The following LCN15 variants were observed in gnomAD, a reference collection of about 807,000 sequenced individuals.
LCN15 encodes lipocalin 15, also known as lipocalin-15.
In LCN15, 26 loss-of-function variants were observed where a neutral mutation model predicts 23.1. The observed-to-expected ratio is 1.13, with a 90% CI of 0.82 to 1.56. The LOEUF (loss-of-function observed/expected upper bound fraction) is 1.56. LCN15 is among the 40% of genes most tolerant of loss of function. LCN15 has a pLI of 0.00. For missense variants in LCN15, 241 were observed against 239.5 expected (o/e 1.01, Z -0.04); for synonymous variants, 107 against 98.3 (o/e 1.09, Z -0.52).
At chr9:136,760,119 C>T (rs1012486498) in intron 6 of LCN15, among the ~76,000 whole-genome samples, 1 of 152,234 alleles carries the variant, frequency 6.6e-6, no homozygotes, top group Non-Finnish European at 1.5e-5. Flanking sequence ...CAAGAAAAGC[C>T]CCGGAATGTC....
rs531720197 is a variant in LCN15 at position 136,763,751 on chromosome 9, T to C, written c.269A>G (p.Tyr90Cys). ...ADGCNQVDAE[Y>C]LKVGSEGHFR... The stretch of plus-strand genomic sequence containing the variant: ...GTGTCCCTCGGAGCCCACCTTCAGG[T>C]ACTCGGCATCCACCTGGTTACAGCC... Residue 90 changes from tyrosine to cysteine, a missense_variant, in exon 3 of 7, where the codon TAC (tyrosine) becomes TGC (cysteine). Physicochemically the swap from Tyr to Cys is radical, Grantham distance 194. Coordinates refer to ENST00000316144, the MANE Select transcript of LCN15 (RefSeq NM_203347.2). 4 of 1,613,460 alleles carry C rather than the reference T, an allele frequency of 2.5e-6. No individual in the cohort carries two copies. The highest frequency in any genetic ancestry group is 3.3e-5 in the Admixed American group (2 of 60,008).
Position 136,763,432 on chromosome 9 carries a change from C to G in LCN15, c.343G>C (p.Asp115His), listed in dbSNP as rs909051198. 1.4e-4 allele frequency: 221 copies of G among 1,609,850 alleles called. No individual in the cohort carries two copies. Among genetic ancestry groups the G allele is most frequent in the Admixed American group, 6.2e-4 (37 of 59,680 alleles). Residue 115 changes from aspartate to histidine, a missense_variant, in exon 4 of 7, where the codon GAC becomes CAC. Physicochemically the swap from Asp to His is moderately conservative, Grantham distance 81. Coordinates refer to ENST00000316144, the MANE Select transcript of LCN15 (RefSeq NM_203347.2). ...GYLDVRIVDTDYSSFAVLYIY... is the reference protein window; with the variant it reads ...GYLDVRIVDTHYSSFAVLYIY... ...TAAAGGACGGCGAAGGAGCTGTAGT[C>G]TGTGTCCACGATGCGCACGTCCAGG...
intron 4 of LCN15, among the ~76,000 whole-genome samples, 178 bp downstream of exon 4, chr9:136,763,179 G>A (rs1171928575): frequency 6.6e-6 from 1 of 151,272 alleles, no homozygotes; most frequent in Non-Finnish European, 1.5e-5. Flanking sequence ...GGGCGGGCCC[G>A]GGGATGAGGA....
Position 136,761,132 on chromosome 9 carries a change from G to A in LCN15, c.*32+655C>T, listed in dbSNP as rs577749452. On this transcript the variant is annotated intron_variant, in intron 6 of 6. Transcript: ENST00000316144. The surrounding 1 kb of genome is among the most constrained non-coding windows in gnomAD (Gnocchi z 4.2). ...GGCCAAGAAATGCCCAGGACAAGCG[G>A]CAGCCGTGGGAGCTGGGGGGGCGGT... is the stretch of plus-strand genomic sequence containing the variant. Among the ~76,000 whole-genome samples the A allele has an allele frequency of 1.3e-5, 2 of 152,264 alleles. No homozygotes were observed. The highest frequency in any genetic ancestry group is 4.8e-5 in the African/African-American group (2 of 41,532).
chr9:136,763,685 C>T (rs201503671), intron 3 of LCN15, 28 bp downstream of exon 3: 286 of 1,610,486 alleles, frequency 1.8e-4, no homozygotes, highest in Non-Finnish European at 2.4e-4. Flanking sequence ...CATCCAGCAC[C>T]CCTGAAGGCA....
At chr9:136,764,270 A>C in intron 1 of LCN15, 123 bp downstream of exon 1, 3 of 977,956 alleles carry the variant, frequency 3.1e-6, no homozygotes, top group Non-Finnish European at 4.6e-6. Context: ...GAGTGGGTCT[A>C]TAGCACGTGC....
Position 136,763,745 on chromosome 9 carries a change from T to A in LCN15, c.275A>T (p.Lys92Met). Residue 92 changes from lysine (K) to methionine (M), a missense_variant, in exon 3 of 7, where the codon AAG becomes ATG. Coordinates refer to ENST00000316144, the MANE Select transcript of LCN15 (RefSeq NM_203347.2). Reference protein sequence around the residue: ...GCNQVDAEYLKVGSEGHFRVP... With the variant: ...GCNQVDAEYLMVGSEGHFRVP... ...TCTGAAGTGTCCCTCGGAGCCCACC[T>A]TCAGGTACTCGGCATCCACCTGGTT... The A allele has an allele frequency of 6.2e-7, 1 of 1,613,470 alleles. No individual in the cohort carries two copies.
intron 4 of LCN15, 129 bp downstream of exon 4, chr9:136,763,227 AG>A (rs1847339878): frequency 1.1e-5 from 4 of 373,754 alleles, no homozygotes; most frequent in South Asian, 3.0e-5. Context: ...CGGGGGGCGG[AG>A]GGGTGAGGGC....
At chr9:136,763,829 C>T in intron 2 of LCN15, 41 bp downstream of exon 2, 2 of 1,613,332 alleles carry the variant, frequency 1.2e-6, no homozygotes, top group Non-Finnish European at 1.7e-6. Flanking sequence ...GCTACCTCAG[C>T]TCCCCAGCCC....
At position 136,761,944 on chromosome 9, in the gene LCN15, G is replaced by T; in HGVS notation, c.521-91C>A. ...AACCCCTGGGTGCCAAGGGCCACTG[G>T]ACAGCTCCACCATCCCCAGAGAGTG... On this transcript the variant is annotated intron_variant, in intron 5 of 6. Transcript: ENST00000316144. This position sits in a 1 kb window ranked among gnomAD's most constrained non-coding sequence, Gnocchi z 4.2. The T allele has an allele frequency of 9.4e-7, 1 of 1,063,546 alleles. No individual in the cohort carries two copies. Among genetic ancestry groups the T allele is most frequent in the Non-Finnish European group, 1.3e-6 (1 of 790,328 alleles). 65.9% of individuals were successfully genotyped at this position (1,063,546 alleles called of 1,614,324 possible). A position where few individuals can be genotyped will look rare whatever the true frequency, so the allele number is the denominator to read the frequency against.
In LCN15 at chr9:136,763,671, G is replaced by A. The variant is rs574776412; in HGVS notation, c.307+42C>T. 7 of 1,601,278 alleles carry A rather than the reference G, an allele frequency of 4.4e-6. No individual in the cohort carries two copies. The South Asian group carries it at 5.5e-5, about 13-fold the overall frequency. ...TCAGCCCCACGTCACCCCCAGAGAA[G>A]CGGCATCCAGCACCCCTGAAGGCAG... On this transcript the variant is annotated intron_variant, in intron 3 of 6. Transcript: ENST00000316144.
rs1027066674 is a variant in LCN15 at position 136,761,248 on chromosome 9, A to C, written c.*32+539T>G. ...TCTGGCCTCCAGAACTGGGAGAGATAAACGTCTGCTGGTTTTGTCTGTTTG... is the reference window on the plus strand; with the variant it reads ...TCTGGCCTCCAGAACTGGGAGAGATCAACGTCTGCTGGTTTTGTCTGTTTG... On this transcript the variant is annotated intron_variant, in intron 6 of 6. Transcript: ENST00000316144. The surrounding 1 kb of genome is among the most constrained non-coding windows in gnomAD (Gnocchi z 4.2). 2.0e-5 allele frequency among the ~76,000 whole-genome samples: 3 copies of C among 152,180 alleles called. No individual in the cohort carries two copies. Among genetic ancestry groups the C allele is most frequent in the Admixed American group, 6.5e-5 (1 of 15,278 alleles).
Position 136,761,761 on chromosome 9 carries a change from T to A in LCN15, c.*32+26A>T. The A allele has an allele frequency of 3.4e-6, 4 of 1,159,986 alleles. No individual in the cohort carries two copies. Among genetic ancestry groups the A allele is most frequent in the Non-Finnish European group, 3.3e-6 (3 of 918,132 alleles). The allele number at this position is 1,159,986 out of a possible 1,614,324, so 71.9% of individuals were successfully genotyped here. On this transcript the variant is annotated intron_variant, in intron 6 of 6. Coordinates refer to ENST00000316144, the MANE Select transcript of LCN15 (RefSeq NM_203347.2). The surrounding 1 kb of genome is among the most constrained non-coding windows in gnomAD (Gnocchi z 4.2). Reference sequence around the variant, plus strand: ...AGGGAGGGGAGAGGCAACCAGGGCATCCCCTGCAGGGCCTGGAGAACCCAC... The same window carrying A: ...AGGGAGGGGAGAGGCAACCAGGGCAACCCCTGCAGGGCCTGGAGAACCCAC...
At position 136,763,987 on chromosome 9, in the gene LCN15, A is replaced by G. The variant is rs777243084; in HGVS notation, c.119T>C (p.Val40Ala). The change falls in exon 2 of 7, where the codon GTC (valine) becomes GCC (alanine). Residue 40 changes from valine (V) to alanine (A), a missense_variant. Physicochemically the swap from Val to Ala is moderately conservative, Grantham distance 64. Transcript: ENST00000316144. ...GACCCTGCAGTCAGATGCCATGGAG[A>G]CCACGTACCAGAGGCCTGAGAACTG... is the stretch of plus-strand genomic sequence containing the variant. ...AEKFSGLWYV[V>A]SMASDCRVFL... The G allele has an allele frequency of 2.5e-6, 4 of 1,613,180 alleles. No homozygotes were observed. In the South Asian group the frequency reaches 4.4e-5, roughly 18 times the overall value.
Position 136,762,296 on chromosome 9 carries a change from A to C in LCN15, c.419-7T>G, listed in dbSNP as rs747520768. The C allele has an allele frequency of 6.6e-7, 1 of 1,516,494 alleles. No homozygotes were observed. Among genetic ancestry groups the C allele is most frequent in the Admixed American group, 1.8e-5 (1 of 56,482 alleles). The allele number at this position is 1,516,494 out of a possible 1,614,324, so 93.9% of individuals were successfully genotyped here. On this transcript the variant is annotated splice_polypyrimidine_tract_variant and splice_region_variant and intron_variant, in intron 4 of 6. Coordinates refer to ENST00000316144, the MANE Select transcript of LCN15 (RefSeq NM_203347.2). ...CTCACATCCTGGGTCCGGCCTGGGC[A>C]GAGCAGAGGTCACTGTGAACTCAGC...
chr9:136,764,266 G>T (rs1847355136), intron 1 of LCN15, 127 bp downstream of exon 1: 2 of 943,634 alleles, frequency 2.1e-6, no homozygotes, highest in Non-Finnish European at 3.2e-6. Context: ...CGCAGAGTGG[G>T]TCTATAGCAC....
intron 1 of LCN15, 113 bp downstream of exon 1, chr9:136,764,280 C>T: frequency 9.2e-7 from 1 of 1,088,930 alleles, no homozygotes; most frequent in Admixed American, 2.3e-5. Context: ...ATAGCACGTG[C>T]CTGGCCGGGC....
In LCN15 at chr9:136,763,790, G is replaced by T; in HGVS notation, c.237-7C>A. On this transcript the variant is annotated splice_region_variant and splice_polypyrimidine_tract_variant and intron_variant, in intron 2 of 6. Transcript: ENST00000316144. ...CTGGTTACAGCCGTCCGCCCTGGGGGTGCACAGCCGGCTCACTCATGGCAC... is the reference window on the plus strand; with the variant it reads ...CTGGTTACAGCCGTCCGCCCTGGGGTTGCACAGCCGGCTCACTCATGGCAC... 1 of 1,613,426 alleles carries T rather than the reference G, an allele frequency of 6.2e-7. No individual in the cohort carries two copies.
chr9:136,763,270 G>A, intron 4 of LCN15, 87 bp downstream of exon 4: 1 of 714,440 alleles, frequency 1.4e-6, no homozygotes, highest in Non-Finnish European at 2.2e-6. Flanking sequence ...GGCGGCAGGC[G>A]GGCGGGGCGG....
Sources: gnomAD v4.1 joint callset for allele counts (sites outside exome capture counted in the v4.1 genomes callset) on GRCh38, gnomAD v4.1.1 for gene constraint, Gnocchi (gnomAD v3.1) non-coding constraint, MANE v1.5 for transcripts, NCBI Gene and HGNC (gene_info 2026-07-23, HGNC 2026-07-21) for gene names.